DBNL: variants seen among roughly 807,000 people sequenced by gnomAD.
DBNL encodes the protein drebrin-like protein.
Under a neutral mutation model 62.2 loss-of-function variants are expected in DBNL, and 35 were observed. The observed-to-expected ratio is 0.56, with a 90% CI of 0.43 to 0.75. The LOEUF is 0.75. Among genes scored for constraint, DBNL ranks in the 30% least tolerant of loss-of-function variants. The probability of loss-of-function intolerance (pLI) is 0.00; values close to 1 mark genes in which losing one functional copy is unlikely to be tolerated. For synonymous variants in DBNL, 197 were observed against 218.0 expected (o/e 0.90, Z 0.85); for missense variants, 495 against 578.4 (o/e 0.86, Z 1.48).
chr7:44,058,671 C>A, intron 8 of DBNL, 191 bp downstream of exon 8: 1 of 872,292 alleles, frequency 1.1e-6, no homozygotes, highest in Admixed American at 2.8e-5. Context: ...GGGCTTGGAC[C>A]ACACCTGGTC....
At chr7:44,049,298 AG>A (rs1428856905) in intron 1 of DBNL, among the ~76,000 whole-genome samples, 1 of 152,276 alleles carries the variant, frequency 6.6e-6, no homozygotes, top group East Asian at 1.9e-4. Context: ...CTGGGACTAC[AG>A]GTGCCTGCTG....
Position 44,060,629 on chromosome 7 carries a change from G to A in DBNL, c.1154-148G>A. ...GGGACAGGGTGCAGTGTTGGCCAAG[G>A]CTTAGCAGGGTGGCAGGGATATTTC... On this transcript the variant is annotated intron_variant, in intron 12 of 12. Transcript: ENST00000448521. This position sits in a 1 kb window ranked among gnomAD's most constrained non-coding sequence, Gnocchi z 6.3. The A allele has an allele frequency of 8.2e-7, 1 of 1,218,240 alleles. No individual in the cohort carries two copies. 75.5% of individuals were successfully genotyped at this position (1,218,240 alleles called of 1,614,324 possible).
In DBNL at chr7:44,057,914, C is replaced by T; in HGVS notation, c.552+55C>T. Reference sequence around the variant, plus strand: ...CGTGGGAGTGTTCTGCTTGCTGTGGCTCATCTTTCCTCACAAGTGAGCTCA... The same window carrying T: ...CGTGGGAGTGTTCTGCTTGCTGTGGTTCATCTTTCCTCACAAGTGAGCTCA... On this transcript the variant is annotated intron_variant, in intron 6 of 12. Coordinates refer to ENST00000448521, the MANE Select transcript of DBNL (RefSeq NM_001014436.3). 1.9e-6 allele frequency: 3 copies of T among 1,608,376 alleles called. No individual in the cohort carries two copies. In the Middle Eastern group the frequency reaches 5.0e-4, roughly 266 times the overall value.
rs549135567 is a variant in DBNL, at chr7:44,066,953, C to T, written c.*6037C>T. ...ACTAAACATGACTGAGGACCAGGCTCTGGCAGTCCCACAGGGGCCAGACAT... is the reference window on the plus strand; with the variant it reads ...ACTAAACATGACTGAGGACCAGGCTTTGGCAGTCCCACAGGGGCCAGACAT... On this transcript the variant is annotated 3_prime_UTR_variant, in exon 13 of 13. Transcript: ENST00000448521. The T allele has an allele frequency of 6.6e-6, 1 of 152,376 alleles. No individual in the cohort carries two copies. The highest frequency in any genetic ancestry group is 2.4e-5 in the African/African-American group (1 of 41,462). 9.4% of individuals were successfully genotyped at this position (152,376 alleles called of 1,614,324 possible).
At chr7:44,054,420 T>C (rs982135382) in intron 4 of DBNL, among the ~76,000 whole-genome samples, 1 of 152,160 alleles carries the variant, frequency 6.6e-6, no homozygotes, top group African/African-American at 2.4e-5. Flanking sequence ...CTGGAATCCC[T>C]GAGCTCAAGT....
At position 44,063,455 on chromosome 7, in the gene DBNL, A is replaced by G. The variant is rs1019748410; in HGVS notation, c.*2539A>G. The G allele has an allele frequency of 2.7e-5, 5 of 185,526 alleles. No individual in the cohort carries two copies. In the South Asian group the frequency reaches 3.0e-4, roughly 11 times the overall value. The allele number at this position is 185,526 out of a possible 1,614,324, so 11.5% of individuals were successfully genotyped here. On this transcript the variant is annotated 3_prime_UTR_variant, in exon 13 of 13. Transcript: ENST00000448521. ...CGCCACCACACCCGGCTAATTTTGT[A>G]TTTTTAGTAGAAACGGGTTTTACCA... is the stretch of plus-strand genomic sequence containing the variant.
rs2096154235 is a variant in DBNL, at chr7:44,064,006, G to A, written c.*3090G>A. 1 of 152,718 alleles carries A rather than the reference G, an allele frequency of 6.5e-6. No homozygotes were observed. 9.5% of individuals were successfully genotyped at this position (152,718 alleles called of 1,614,324 possible). On this transcript the variant is annotated 3_prime_UTR_variant, in exon 13 of 13. Coordinates refer to ENST00000448521, the MANE Select transcript of DBNL (RefSeq NM_001014436.3). ...CTGGCTGGGTCTCCGGGGCCTGCCG[G>A]TCTGGGTGCTCTGGCCAACTGCCCA...
chr7:44,046,745 G>A (rs2096117987), intron 1 of DBNL, among the ~76,000 whole-genome samples: 1 of 152,200 alleles, frequency 6.6e-6, no homozygotes, highest in Admixed American at 6.5e-5. Flanking sequence ...GCAGATTCCT[G>A]CACACTGCGG....
In DBNL at chr7:44,064,993, A is replaced by C; in HGVS notation, c.*4077A>C. 6.2e-7 allele frequency: 1 copy of C among 1,606,364 alleles called. No individual in the cohort carries two copies. Among genetic ancestry groups the C allele is most frequent in the South Asian group, 1.1e-5 (1 of 90,876 alleles). ...GCAGGTGGGGAGTTCCCCGGGCTTC[A>C]GGCCTGCGTACCGACGCTCCTGGGG... On this transcript the variant is annotated 3_prime_UTR_variant, in exon 13 of 13. Transcript: ENST00000448521.
At position 44,062,745 on chromosome 7, in the gene DBNL, T is replaced by C; in HGVS notation, c.*1829T>C. 6.2e-7 allele frequency: 1 copy of C among 1,613,646 alleles called. No individual in the cohort carries two copies. The highest frequency in any genetic ancestry group is 8.5e-7 in the Non-Finnish European group (1 of 1,179,842). On this transcript the variant is annotated 3_prime_UTR_variant, in exon 13 of 13. Coordinates refer to ENST00000448521, the MANE Select transcript of DBNL (RefSeq NM_001014436.3). ...TCCAGGCTGTTGGGGGAGGTGCCTT[T>C]ATTGCCCAAGCCCACCCCTCACTTG...
Position 44,060,677 on chromosome 7 carries a change from C to A in DBNL, c.1154-100C>A. On this transcript the variant is annotated intron_variant, in intron 12 of 12. Coordinates refer to ENST00000448521, the MANE Select transcript of DBNL (RefSeq NM_001014436.3). This position sits in a 1 kb window ranked among gnomAD's most constrained non-coding sequence, Gnocchi z 6.3. Reference sequence around the variant, plus strand: ...TTCTGAGGAGGAACCAGAGCTGCAGCGAGGTGTGCTGCAGCAGTGTGGGGC... The same window carrying A: ...TTCTGAGGAGGAACCAGAGCTGCAGAGAGGTGTGCTGCAGCAGTGTGGGGC... 1 of 1,501,996 alleles carries A rather than the reference C, an allele frequency of 6.7e-7. No homozygotes were observed. The highest frequency in any genetic ancestry group is 1.3e-5 in the South Asian group (1 of 78,722). 93.0% of individuals were successfully genotyped at this position (1,501,996 alleles called of 1,614,324 possible).
Position 44,065,652 on chromosome 7 carries a change from C to A in DBNL, c.*4736C>A. ...GCCAACTGCCAATCAGCATTCCAGG[C>A]GGTGGCAGGTGACCAGTAGCTGAGC... On this transcript the variant is annotated 3_prime_UTR_variant, in exon 13 of 13. Transcript: ENST00000448521. The A allele has an allele frequency of 2.1e-6, 2 of 954,316 alleles. No homozygotes were observed. Among genetic ancestry groups the A allele is most frequent in the South Asian group, 2.8e-5 (2 of 71,980 alleles). 59.1% of individuals were successfully genotyped at this position (954,316 alleles called of 1,614,324 possible). A position where few individuals can be genotyped will look rare whatever the true frequency, so the allele number is the denominator to read the frequency against.
Position 44,065,627 on chromosome 7 carries a change from G to A in DBNL, c.*4711G>A. The A allele has an allele frequency of 5.1e-6, 6 of 1,178,256 alleles. No individual in the cohort carries two copies. Among genetic ancestry groups the A allele is most frequent in the Non-Finnish European group, 6.2e-6 (5 of 805,594 alleles). The allele number at this position is 1,178,256 out of a possible 1,614,324, so 73.0% of individuals were successfully genotyped here. A position where few individuals can be genotyped will look rare whatever the true frequency, so the allele number is the denominator to read the frequency against. The stretch of plus-strand genomic sequence containing the variant: ...GTCTTCCCAGCCCCCACCCACCCCA[G>A]CCAACTGCCAATCAGCATTCCAGGC... On this transcript the variant is annotated 3_prime_UTR_variant, in exon 13 of 13. Coordinates refer to ENST00000448521, the MANE Select transcript of DBNL (RefSeq NM_001014436.3).
Position 44,062,434 on chromosome 7 carries a change from G to A in DBNL, c.*1518G>A, listed in dbSNP as rs2096150959. Reference sequence around the variant, plus strand: ...CTGTGGTCCTTGCTCCCCATGGGGAGAGCTGGGTCACTTGGCCTCTTCTAA... The same window carrying A: ...CTGTGGTCCTTGCTCCCCATGGGGAAAGCTGGGTCACTTGGCCTCTTCTAA... On this transcript the variant is annotated 3_prime_UTR_variant, in exon 13 of 13. Transcript: ENST00000448521. The A allele has an allele frequency of 2.6e-6, 1 of 378,160 alleles. No homozygotes were observed. Among genetic ancestry groups the A allele is most frequent in the Non-Finnish European group, 5.1e-6 (1 of 196,526 alleles). 23.4% of individuals were successfully genotyped at this position (378,160 alleles called of 1,614,324 possible). A position where few individuals can be genotyped will look rare whatever the true frequency, so the allele number is the denominator to read the frequency against.
intron 4 of DBNL, among the ~76,000 whole-genome samples, chr7:44,054,636 G>C (rs550806555): frequency 2.2e-4 from 34 of 152,048 alleles, no homozygotes; most frequent in African/African-American, 8.0e-4. Flanking sequence ...CTTTGTGTTG[G>C]GAACATTACA....
intron 1 of DBNL, 170 bp downstream of exon 1, chr7:44,044,990 T>A: frequency 1.7e-6 from 1 of 590,518 alleles, no homozygotes; most frequent in Non-Finnish European, 2.7e-6. Flanking sequence ...GAGTGCTGTC[T>A]CACCCTCGTG....
rs918932090 is a variant in DBNL at position 44,064,450 on chromosome 7, G to A, written c.*3534G>A. 4.5e-5 allele frequency: 14 copies of A among 314,428 alleles called. 1 individual carries two copies. The highest frequency in any genetic ancestry group is 4.1e-4 in the South Asian group (14 of 34,082). 19.5% of individuals were successfully genotyped at this position (314,428 alleles called of 1,614,324 possible). ...CCAGGGGGAGCTCCCCACCACCCCG[G>A]AAAAGGGAGAGGCCCAGAGATGGAG... is the stretch of plus-strand genomic sequence containing the variant. On this transcript the variant is annotated 3_prime_UTR_variant, in exon 13 of 13. Transcript: ENST00000448521.
chr7:44,050,377 T>G, intron 2 of DBNL, 97 bp downstream of exon 2: 1 of 1,352,992 alleles, frequency 7.4e-7, no homozygotes, highest in Non-Finnish European at 1.1e-6. Flanking sequence ...CTGAGCCACA[T>G]GGGGCTTCCA....
Position 44,051,848 on chromosome 7 carries a change from T to C in DBNL, c.158T>C (p.Met53Thr), listed in dbSNP as rs775234058. Reference sequence around the variant, plus strand: ...GCTGCAGAGGGTGGCCTGGAGGAGATGGTGGAGGAGCTCAACAGCGGGAAG... The same window carrying C: ...GCTGCAGAGGGTGGCCTGGAGGAGACGGTGGAGGAGCTCAACAGCGGGAAG... ...AGTGEGGLEEMVEELNSGKVM... is the reference protein window; with the variant it reads ...AGTGEGGLEETVEELNSGKVM... The change falls in exon 3 of 13, where the codon ATG becomes ACG. Residue 53 changes from methionine (M) to threonine (T), a missense_variant. Transcript: ENST00000448521. The C allele has an allele frequency of 3.1e-6, 5 of 1,614,012 alleles. No homozygotes were observed. In the Admixed American group the frequency reaches 5.0e-5, roughly 16 times the overall value.
Sources: gnomAD v4.1 joint callset for allele counts (sites outside exome capture counted in the v4.1 genomes callset) on GRCh38, gnomAD v4.1.1 for gene constraint, Gnocchi (gnomAD v3.1) non-coding constraint, MANE v1.5 for transcripts, NCBI Gene and HGNC (gene_info 2026-07-23, HGNC 2026-07-21) for gene names.